PTCD2: variants seen among roughly 807,000 people sequenced by gnomAD.
PTCD2 encodes the protein pentatricopeptide repeat-containing protein 2, mitochondrial.
Under a neutral mutation model 42.6 loss-of-function variants are expected in PTCD2, and 31 were observed. That is an observed-to-expected ratio of 0.73 (90% confidence interval 0.55 to 0.98). PTCD2 has a LOEUF of 0.98. PTCD2 is among the 50% of genes least tolerant of loss of function. The pLI is 0.00. For missense variants in PTCD2, 476 were observed against 454.8 expected (o/e 1.05, Z -0.42); for synonymous variants, 183 against 170.9 (o/e 1.07, Z -0.55).
At position 72,367,126 on chromosome 5, in the gene PTCD2, T is replaced by A. The variant is rs1014881465; in HGVS notation, c.*8699T>A. On this transcript the variant is annotated 3_prime_UTR_variant, in exon 10 of 10. Transcript: ENST00000380639. Reference sequence around the variant, plus strand: ...TGCCATCATCAGGAATGACTAAATCTTGGAGCGTTCTCCATTTAAGTGAGG... The same window carrying A: ...TGCCATCATCAGGAATGACTAAATCATGGAGCGTTCTCCATTTAAGTGAGG... The A allele has an allele frequency of 3.9e-5, 6 of 152,248 alleles. No individual in the cohort carries two copies. Among genetic ancestry groups the A allele is most frequent in the Admixed American group, 3.9e-4 (6 of 15,286 alleles). The allele number at this position is 152,248 out of a possible 1,614,324, so 9.4% of individuals were successfully genotyped here. A position where few individuals can be genotyped will look rare whatever the true frequency, so the allele number is the denominator to read the frequency against.
rs1278594359 is a variant in PTCD2 at position 72,365,023 on chromosome 5, C to A, written c.*6596C>A. 2.0e-5 allele frequency: 3 copies of A among 152,344 alleles called. No individual in the cohort carries two copies. The highest frequency in any genetic ancestry group is 4.4e-5 in the Non-Finnish European group (3 of 68,190). The allele number at this position is 152,344 out of a possible 1,614,324, so 9.4% of individuals were successfully genotyped here. ...CTGCCTTGCCCAGCTGACTTTCTTC[C>A]AAGGGCCTCAGAGGCAGCATTACCA... On this transcript the variant is annotated 3_prime_UTR_variant, in exon 10 of 10. Coordinates refer to ENST00000380639, the MANE Select transcript of PTCD2 (RefSeq NM_024754.5).
chr5:72,353,685 G>A (rs1051464696), intron 9 of PTCD2, among the ~76,000 whole-genome samples: 27 of 152,176 alleles, frequency 1.8e-4, no homozygotes, highest in Middle Eastern at 3.4e-3. Flanking sequence ...TAGAAAGTCC[G>A]GATACAGACC....
At position 72,359,712 on chromosome 5, in the gene PTCD2, T is replaced by G. The variant is rs1753047620; in HGVS notation, c.*1285T>G. ...GCTGAATCCAGGTCTGAGATCACAA[T>G]CCCACCTGAGGACAGGATCCGCATA... is the stretch of plus-strand genomic sequence containing the variant. On this transcript the variant is annotated 3_prime_UTR_variant, in exon 10 of 10. Coordinates refer to ENST00000380639, the MANE Select transcript of PTCD2 (RefSeq NM_024754.5). 1 of 152,146 alleles carries G rather than the reference T, an allele frequency of 6.6e-6. No homozygotes were observed. The highest frequency in any genetic ancestry group is 2.1e-4 in the South Asian group (1 of 4,828). The allele number at this position is 152,146 out of a possible 1,614,324, so 9.4% of individuals were successfully genotyped here.
In PTCD2 at chr5:72,352,734, C is replaced by T. The variant is rs1752682223; in HGVS notation, c.922C>T (p.His308Tyr). The T allele has an allele frequency of 6.3e-7, 1 of 1,583,100 alleles. No homozygotes were observed. The highest frequency in any genetic ancestry group is 8.7e-7 in the Non-Finnish European group (1 of 1,152,200). Residue 308 changes from histidine (H) to tyrosine (Y), a missense_variant, in exon 9 of 10, where the codon CAT becomes TAT. Physicochemically the swap from His to Tyr is moderately conservative, Grantham distance 83 (BLOSUM62 2). Transcript: ENST00000380639. ...EGNLSKFVKR[H>Y]VFSEEVLAKV... ...AAATTTATCAAAATTTGTGAAAAGA[C>T]ATGTGTTCTCGGAGGAAGTGGTGAG...
rs766854254 is a variant in PTCD2, at chr5:72,320,418, C to A, written c.36C>A (p.Pro12=). The change falls in exon 1 of 10, where the codon CCC becomes CCA. Residue 12 remains proline (P), a synonymous_variant. Transcript: ENST00000380639. ...VRDSMAAAFR[P]SNRVLLQALQ... The stretch of plus-strand genomic sequence containing the variant: ...ACAGTATGGCTGCTGCATTTCGGCC[C>A]TCGAATCGAGTTCTCCTGCAGGCGC... 6.2e-7 allele frequency: 1 copy of A among 1,614,158 alleles called. No homozygotes were observed. The highest frequency in any genetic ancestry group is 1.6e-4 in the Middle Eastern group (1 of 6,062).
At chr5:72,349,817 T>C (rs1368435111) in intron 8 of PTCD2, among the ~76,000 whole-genome samples, 1 of 152,238 alleles carries the variant, frequency 6.6e-6, no homozygotes, top group Non-Finnish European at 1.5e-5. Context: ...AAACTTTCTC[T>C]TTGCCTTTTA....
At chr5:72,343,076 G>GTATTATAATACATT in intron 8 of PTCD2, 40 bp downstream of exon 8, 1 of 1,106,060 alleles carries the variant, frequency 9.0e-7, no homozygotes, top group Non-Finnish European at 1.3e-6. Flanking sequence ...GCCTTGAAAT[G>GTATTATAATACATT]TATTATAATA....
chr5:72,355,493 G>A (rs865997213), intron 9 of PTCD2, among the ~76,000 whole-genome samples: 12 of 152,088 alleles, frequency 7.9e-5, no homozygotes, highest in African/African-American at 2.2e-4. Context: ...TGAGTTCTCC[G>A]AATGTACCTT....
At chr5:72,336,322 A>G (rs911040792) in intron 6 of PTCD2, among the ~76,000 whole-genome samples, 2 of 152,156 alleles carry the variant, frequency 1.3e-5, no homozygotes, top group African/African-American at 4.8e-5. Context: ...ACCTCCAGAT[A>G]TCCCTTAATT....
In PTCD2 at chr5:72,335,836, A is replaced by C; in HGVS notation, c.590A>C (p.Lys197Thr). ...VLIEMKNQDV[K>T]FTKDTYVLAF... ...ATAGAGATGAAAAACCAAGATGTGA[A>C]GTTCACCAAAGATACCTATGTTCTT... Residue 197 changes from lysine to threonine, a missense_variant, in exon 6 of 10, where the codon AAG becomes ACG. By Grantham distance (78) the Lys-to-Thr change is moderately conservative. Coordinates refer to ENST00000380639, the MANE Select transcript of PTCD2 (RefSeq NM_024754.5). The C allele has an allele frequency of 6.2e-7, 1 of 1,614,002 alleles. No individual in the cohort carries two copies. The highest frequency in any genetic ancestry group is 1.1e-5 in the South Asian group (1 of 91,078).
At chr5:72,335,957 A>G (rs1169195928) in intron 6 of PTCD2, 72 bp downstream of exon 6, 14 of 811,140 alleles carry the variant, frequency 1.7e-5, no homozygotes, top group Non-Finnish European at 1.2e-5. Context: ...TTCTCTCTAC[A>G]AATAAAATTC....
intron 3 of PTCD2, 84 bp from the exon 4 acceptor site, chr5:72,331,174 C>G: frequency 1.2e-6 from 1 of 862,138 alleles, no homozygotes; most frequent in Non-Finnish European, 2.0e-6. Flanking sequence ...TGTCCCAGTA[C>G]CTGGCACAGT....
intron 8 of PTCD2, 71 bp from the exon 9 acceptor site, chr5:72,352,570 A>G: frequency 1.4e-6 from 1 of 725,222 alleles, no homozygotes; most frequent in Non-Finnish European, 2.4e-6. Flanking sequence ...AGGCTTATCT[A>G]ACCAGGTACA....
chr5:72,337,205 C>T (rs1334951833), intron 6 of PTCD2, among the ~76,000 whole-genome samples: 1 of 152,082 alleles, frequency 6.6e-6, no homozygotes, highest in African/African-American at 2.4e-5. Context: ...TTGGGGGCCA[C>T]ATATGTCTCT....
At chr5:72,342,042 C>CT (rs1752092092) in intron 7 of PTCD2, among the ~76,000 whole-genome samples, 1 of 150,380 alleles carries the variant, frequency 6.6e-6, no homozygotes, top group Admixed American at 6.6e-5. Flanking sequence ...GAGACTCCGT[C>CT]TAAAAAAAAT....
At position 72,361,664 on chromosome 5, in the gene PTCD2, C is replaced by G. The variant is rs1043000267; in HGVS notation, c.*3237C>G. On this transcript the variant is annotated 3_prime_UTR_variant, in exon 10 of 10. Coordinates refer to ENST00000380639, the MANE Select transcript of PTCD2 (RefSeq NM_024754.5). ...TGTAGTAGATAGTCTGTTTTCTCCCCTGTTTAAAACCTCCTGAGGACCTCA... is the reference window on the plus strand; with the variant it reads ...TGTAGTAGATAGTCTGTTTTCTCCCGTGTTTAAAACCTCCTGAGGACCTCA... 6.6e-6 allele frequency: 1 copy of G among 152,236 alleles called. No homozygotes were observed. The highest frequency in any genetic ancestry group is 6.5e-5 in the Admixed American group (1 of 15,282). 9.4% of individuals were successfully genotyped at this position (152,236 alleles called of 1,614,324 possible). A position where few individuals can be genotyped will look rare whatever the true frequency, so the allele number is the denominator to read the frequency against.
rs776031866 is a variant in PTCD2 at position 72,330,971 on chromosome 5, A to AG, written c.351-283dup. On this transcript the variant is annotated intron_variant, in intron 3 of 9. Coordinates refer to ENST00000380639, the MANE Select transcript of PTCD2 (RefSeq NM_024754.5). ...CTTAAGGTGTGCTCACACTCAGTCT[A>AG]GGGGTTGTTTCTAAATTTAGAGAAT... Among the ~76,000 whole-genome samples the AG allele has an allele frequency of 8.5e-5, 13 of 152,304 alleles. No homozygotes were observed. In the South Asian group the frequency reaches 1.7e-3, roughly 19 times the overall value.
In PTCD2 at chr5:72,352,660, C is replaced by G; in HGVS notation, c.848C>G (p.Ser283Ter). The change falls in exon 9 of 10, where the codon TCA (serine) becomes TGA (stop). Residue 283 changes from serine to a stop codon, truncating the protein, a stop_gained. Transcript: ENST00000380639. LOFTEE classifies it high-confidence loss of function. Reference protein sequence around the residue: ...INLNIIIHIQSNMLENLIKTL... With the variant: ...INLNIIIHIQ ...ATTCAGATTATAATCCATATCCAGTCAAATATGTTGGAAAACCTGATAAAG... is the reference window on the plus strand; with the variant it reads ...ATTCAGATTATAATCCATATCCAGTGAAATATGTTGGAAAACCTGATAAAG... The G allele has an allele frequency of 2.5e-6, 4 of 1,568,650 alleles. No homozygotes were observed. The highest frequency in any genetic ancestry group is 3.5e-6 in the Non-Finnish European group (4 of 1,140,156).
At position 72,366,152 on chromosome 5, in the gene PTCD2, GT is replaced by G. The variant is rs1166972086; in HGVS notation, c.*7727del. 1 of 152,124 alleles carries G rather than the reference GT, an allele frequency of 6.6e-6. No individual in the cohort carries two copies. The highest frequency in any genetic ancestry group is 6.5e-5 in the Admixed American group (1 of 15,268). 9.4% of individuals were successfully genotyped at this position (152,124 alleles called of 1,614,324 possible). A position where few individuals can be genotyped will look rare whatever the true frequency, so the allele number is the denominator to read the frequency against. On this transcript the variant is annotated 3_prime_UTR_variant, in exon 10 of 10. Coordinates refer to ENST00000380639, the MANE Select transcript of PTCD2 (RefSeq NM_024754.5). ...AATTGCTTGAACCTGGGAGACGGAG[GT>G]TACAGTGAGCCTAGACTGCGCCATT...
Sources: allele counts gnomAD v4.1 joint callset (sites outside exome capture counted in the v4.1 genomes callset), GRCh38; gene constraint gnomAD v4.1.1; transcripts MANE v1.5; gene names NCBI Gene and HGNC (gene_info 2026-07-23, HGNC 2026-07-21).